IL1RAPL2: variants seen among roughly 807,000 people sequenced by gnomAD.
The protein encoded by IL1RAPL2 is interleukin 1 receptor accessory protein like 2, also known as X-linked interleukin-1 receptor accessory protein-like 2.
A neutral mutation model predicts 44.1 loss-of-function variants in IL1RAPL2; 3 were observed. The ratio of observed to expected loss-of-function variants is 0.07; its 90% confidence interval spans 0.03 to 0.18. The LOEUF (loss-of-function observed/expected upper bound fraction) is 0.18. IL1RAPL2 is among the 10% of genes least tolerant of loss of function. The pLI is 1.00. For missense variants in IL1RAPL2, 391 were observed against 496.4 expected (o/e 0.79, Z 2.02); for synonymous variants, 181 against 178.8 (o/e 1.01, Z -0.10).
chrX:105,117,163 C>G (rs767509892), intron 2 of IL1RAPL2, among the ~76,000 whole-genome samples: 7 of 112,176 alleles, frequency 6.2e-5, no homozygotes, highest in Non-Finnish European at 1.9e-5. Context: ...GAACATAGCA[C>G]TTCTTCTTAT....
rs1207465410 is a variant in IL1RAPL2 at position 105,033,362 on chromosome X, C to T, written c.83-162113C>T. 4.0e-3 allele frequency among the ~76,000 whole-genome samples: 441 copies of T among 111,505 alleles called. 1 individual carries two copies. Among genetic ancestry groups the T allele is most frequent in the African/African-American group, 0.013 (404 of 30,675 alleles). ...GGCATGTTTTTGCAGTGGCTGGTAC[C>T]GGTTGTTCCTTTCCATGTTTATTGC... On this transcript the variant is annotated intron_variant, in intron 2 of 10. Coordinates refer to ENST00000372582, the MANE Select transcript of IL1RAPL2 (RefSeq NM_017416.2).
intron 2 of IL1RAPL2, among the ~76,000 whole-genome samples, chrX:104,988,069 C>T (rs888756584): frequency 3.6e-5 from 4 of 112,167 alleles, no homozygotes; most frequent in Non-Finnish European, 7.5e-5. Context: ...TTTAGTCTTC[C>T]AGAGTGAAGA....
chrX:105,728,266 T>C (rs1337174146), intron 7 of IL1RAPL2, among the ~76,000 whole-genome samples: 1 of 112,020 alleles, frequency 8.9e-6, no homozygotes, highest in Non-Finnish European at 1.9e-5. Context: ...ATTTCAATAG[T>C]TGAAACCACA....
intron 5 of IL1RAPL2, among the ~76,000 whole-genome samples, chrX:105,319,293 G>A (rs185507163): frequency 2.7e-4 from 30 of 111,830 alleles, no homozygotes; most frequent in African/African-American, 9.4e-4. Flanking sequence ...CACGAAGCCC[G>A]TAGCTTGTCG....
chrX:104,871,358 A>G (rs950335756), intron 2 of IL1RAPL2, among the ~76,000 whole-genome samples: 3 of 111,740 alleles, frequency 2.7e-5, no homozygotes, highest in Non-Finnish European at 5.7e-5. Flanking sequence ...ATATTTTTCT[A>G]TTGTCACATG....
At chrX:105,258,842 A>AT (rs1159480421) in intron 4 of IL1RAPL2, among the ~76,000 whole-genome samples, 3 of 110,862 alleles carry the variant, frequency 2.7e-5, no homozygotes, top group South Asian at 3.8e-4. Context: ...TTTTATTGTG[A>AT]TTTTTTCCCT....
At chrX:105,473,665 T>A (rs896419333) in intron 5 of IL1RAPL2, among the ~76,000 whole-genome samples, 1 of 111,790 alleles carries the variant, frequency 8.9e-6, no homozygotes, top group African/African-American at 3.2e-5. Flanking sequence ...TGTTAACAAG[T>A]TATGAATGCC....
At chrX:104,969,913 T>C (rs190930409) in intron 2 of IL1RAPL2, among the ~76,000 whole-genome samples, 1 of 108,314 alleles carries the variant, frequency 9.2e-6, no homozygotes, top group Non-Finnish European at 1.9e-5. Flanking sequence ...CATACACTAG[T>C]TTTTTTTTTC....
At chrX:105,059,617 G>A (rs1174927831) in intron 2 of IL1RAPL2, among the ~76,000 whole-genome samples, 1 of 111,079 alleles carries the variant, frequency 9.0e-6, no homozygotes, top group Non-Finnish European at 1.9e-5. Flanking sequence ...TGCAACCTCT[G>A]CCTCCCGGGT....
At chrX:105,256,128 C>G (rs2034312548) in intron 4 of IL1RAPL2, among the ~76,000 whole-genome samples, 1 of 110,626 alleles carries the variant, frequency 9.0e-6, no homozygotes, top group Admixed American at 9.6e-5. Context: ...GTGTCTCTGT[C>G]AGGTTTTATT....
At chrX:104,912,697 T>A (rs765922034) in intron 2 of IL1RAPL2, among the ~76,000 whole-genome samples, 1 of 111,883 alleles carries the variant, frequency 8.9e-6, no homozygotes, top group East Asian at 2.8e-4. Context: ...GACATTAACT[T>A]ATCCTAAATA....
chrX:104,632,909 G>C (rs1929687649), intron 1 of IL1RAPL2, among the ~76,000 whole-genome samples: 1 of 111,274 alleles, frequency 9.0e-6, no homozygotes, highest in Non-Finnish European at 1.9e-5. Flanking sequence ...GGGCATCCCT[G>C]TCTTGTGCCC....
intron 3 of IL1RAPL2, among the ~76,000 whole-genome samples, chrX:105,215,515 G>A (rs893458425): frequency 6.3e-5 from 7 of 111,399 alleles, no homozygotes; most frequent in Non-Finnish European, 1.1e-4. Context: ...ATTCACAGCC[G>A]AATTCTACCA....
intron 2 of IL1RAPL2, among the ~76,000 whole-genome samples, chrX:105,119,885 A>G (rs1470280737): frequency 9.0e-6 from 1 of 111,039 alleles, no homozygotes; most frequent in African/African-American, 3.3e-5. Context: ...GTAATTTAGT[A>G]TAGTAATTAA....
At chrX:105,332,998 G>A (rs1177860203) in intron 5 of IL1RAPL2, among the ~76,000 whole-genome samples, 1 of 111,058 alleles carries the variant, frequency 9.0e-6, no homozygotes, top group African/African-American at 3.3e-5. Flanking sequence ...ATTCTTCACA[G>A]AAATAGAAAA....
intron 2 of IL1RAPL2, among the ~76,000 whole-genome samples, chrX:104,738,872 T>C (rs982764257): frequency 8.9e-6 from 1 of 112,077 alleles, no homozygotes; most frequent in Non-Finnish European, 1.9e-5. Context: ...CCCTGGAGTT[T>C]GAGGCTGCAG....
intron 6 of IL1RAPL2, among the ~76,000 whole-genome samples, chrX:105,710,359 C>CTAT (rs1556390122): frequency 1.5e-5 from 1 of 65,857 alleles, no homozygotes; most frequent in African/African-American, 6.1e-5. Context: ...GAAAATCCTA[C>CTAT]TTTTTTTTTT....
intron 5 of IL1RAPL2, among the ~76,000 whole-genome samples, chrX:105,440,925 C>A (rs1351689159): frequency 8.9e-6 from 1 of 111,785 alleles, no homozygotes; most frequent in Non-Finnish European, 1.9e-5. Context: ...GCTCTCTTGT[C>A]TACCACCATG....
At chrX:104,907,944 CTT>C (rs1310000270) in intron 2 of IL1RAPL2, among the ~76,000 whole-genome samples, 1 of 109,712 alleles carries the variant, frequency 9.1e-6, no homozygotes, top group Non-Finnish European at 1.9e-5. Context: ...GTCTAAGTCT[CTT>C]TGTAGGTCAC....
Sources: allele counts gnomAD v4.1 joint callset (sites outside exome capture counted in the v4.1 genomes callset), GRCh38; gene constraint gnomAD v4.1.1; transcripts MANE v1.5; gene names NCBI Gene and HGNC (gene_info 2026-07-23, HGNC 2026-07-21).